The following FHIP1A variants were observed in gnomAD, a reference collection of about 807,000 sequenced individuals.
FHIP1A encodes the protein FHF complex subunit HOOK-interacting protein 1A.
In FHIP1A, 61 loss-of-function variants were observed where a neutral mutation model predicts 88.6. That is an observed-to-expected ratio of 0.69 (90% CI 0.56 to 0.85). The LOEUF is 0.85. Ranked by LOEUF, FHIP1A falls within the 40% of genes least tolerant of loss-of-function variation. The pLI, the probability that FHIP1A is intolerant of heterozygous loss-of-function variation, is 0.00. For missense variants in FHIP1A, 1,154 were observed against 1,273.5 expected (o/e 0.91, Z 1.43); for synonymous variants, 478 against 496.0 (o/e 0.96, Z 0.48).
At chr4:151,519,781 A>G (rs4696265) in intron 3 of FHIP1A, among the ~76,000 whole-genome samples, 53,312 of 152,010 alleles carry the variant, frequency 0.35, 9,956 homozygotes, top group Non-Finnish European at 0.43. Context: ...CTCATAATGT[A>G]TAAGAATTCT....
At chr4:151,640,597 A>G (rs1477077165) in intron 9 of FHIP1A, among the ~76,000 whole-genome samples, 1 of 152,220 alleles carries the variant, frequency 6.6e-6, no homozygotes, top group African/African-American at 2.4e-5. Context: ...CTTTTACTCC[A>G]AAGTGGGTAA....
chr4:151,633,764 T>C (rs1423256375), intron 8 of FHIP1A, among the ~76,000 whole-genome samples: 2 of 151,912 alleles, frequency 1.3e-5, no homozygotes, highest in Admixed American at 6.6e-5. Context: ...CCTTTCATGA[T>C]AAAAGCACTC....
At chr4:151,443,806 T>C (rs1019039304) in intron 1 of FHIP1A, among the ~76,000 whole-genome samples, 8 of 151,586 alleles carry the variant, frequency 5.3e-5, no homozygotes, top group Non-Finnish European at 1.2e-4. Context: ...GTATCAGAAT[T>C]CGCATCAGAA....
At chr4:151,432,898 A>G (rs2126543178) in intron 1 of FHIP1A, among the ~76,000 whole-genome samples, 1 of 152,280 alleles carries the variant, frequency 6.6e-6, no homozygotes, top group Non-Finnish European at 1.5e-5. Flanking sequence ...GGAAGTGCTT[A>G]CTTTTTGCTG....
chr4:151,544,578 T>C (rs2126732873), intron 3 of FHIP1A, among the ~76,000 whole-genome samples: 1 of 152,262 alleles, frequency 6.6e-6, no homozygotes, highest in Admixed American at 6.5e-5. Flanking sequence ...ATATGGCCTG[T>C]CCCTCACAGA....
At chr4:151,530,020 A>G (rs1201696381) in intron 3 of FHIP1A, among the ~76,000 whole-genome samples, 2 of 152,120 alleles carry the variant, frequency 1.3e-5, no homozygotes, top group African/African-American at 2.4e-5. Context: ...GTAGTGTCCT[A>G]TGTTTTCATC....
intron 6 of FHIP1A, among the ~76,000 whole-genome samples, chr4:151,587,082 G>A (rs1220796440): frequency 7.0e-6 from 1 of 141,924 alleles, no homozygotes; most frequent in African/African-American, 2.6e-5. Flanking sequence ...TTCAATGCCT[G>A]ACTCATTAAA....
In FHIP1A at chr4:151,566,382, CT is replaced by C. The variant is rs1176572136; in HGVS notation, c.105+25del. 14 of 1,476,376 alleles carry C rather than the reference CT, an allele frequency of 9.5e-6. No individual in the cohort carries two copies. The Admixed American group carries it at 2.0e-4, about 21-fold the overall frequency. The allele number at this position is 1,476,376 out of a possible 1,614,324, so 91.5% of individuals were successfully genotyped here. A position where few individuals can be genotyped will look rare whatever the true frequency, so the allele number is the denominator to read the frequency against. ...GGGCACAGGTAATGTATGAATTCCA[CT>C]TTTTTTGCTGGTCTCAGTAACCCCA... On this transcript the variant is annotated intron_variant, in intron 4 of 13. Coordinates refer to ENST00000435205, the MANE Select transcript of FHIP1A (RefSeq NM_001109977.3).
At chr4:151,489,116 AGAG>A (rs1440221596) in intron 3 of FHIP1A, among the ~76,000 whole-genome samples, 2 of 152,224 alleles carry the variant, frequency 1.3e-5, no homozygotes, top group South Asian at 2.1e-4. Flanking sequence ...CCAAGGTGTG[AGAG>A]GAGGAGAAGT....
chr4:151,551,888 C>T (rs111993305), intron 3 of FHIP1A, among the ~76,000 whole-genome samples: 44,089 of 151,990 alleles, frequency 0.29, 6,643 homozygotes, highest in Non-Finnish European at 0.34. Context: ...TCAGAGTGAA[C>T]AGGCAACCTA....
chr4:151,643,551 C>G (rs983945849), intron 9 of FHIP1A, among the ~76,000 whole-genome samples: 2 of 152,148 alleles, frequency 1.3e-5, no homozygotes, highest in African/African-American at 4.8e-5. Flanking sequence ...AATACTAGCA[C>G]TCTATCTAGC....
At chr4:151,580,985 A>G (rs753800906) in intron 5 of FHIP1A, among the ~76,000 whole-genome samples, 13 of 151,982 alleles carry the variant, frequency 8.6e-5, no homozygotes, top group Non-Finnish European at 1.9e-4. Flanking sequence ...AGTCTCCCAA[A>G]TAGCTGGGAC....
Position 151,577,578 on chromosome 4 carries a change from G to A in FHIP1A, c.234G>A (p.Glu78=), listed in dbSNP as rs1298187109. Residue 78 remains glutamate, a synonymous_variant, in exon 5 of 14, where the codon GAG becomes GAA. Coordinates refer to ENST00000435205, the MANE Select transcript of FHIP1A (RefSeq NM_001109977.3). ...VEHMLFLLIE[E]QAKDAAMGPI... ...ACATGCTCTTCTTGTTGATTGAAGA[G>A]CAAGCCAAAGATGCTGCAATGGGGC... The A allele has an allele frequency of 6.4e-7, 1 of 1,551,942 alleles. No individual in the cohort carries two copies. The highest frequency in any genetic ancestry group is 1.2e-5 in the South Asian group (1 of 84,062).
intron 3 of FHIP1A, among the ~76,000 whole-genome samples, chr4:151,535,235 A>G (rs3919716): frequency 0.62 from 94,813 of 152,036 alleles, 31,970 homozygotes; most frequent in African/African-American, 0.9. Context: ...AATAAAGGAA[A>G]TTCCTTGCAC....
intron 3 of FHIP1A, among the ~76,000 whole-genome samples, chr4:151,528,578 T>C (rs1205533618): frequency 6.6e-6 from 1 of 152,202 alleles, no homozygotes; most frequent in Non-Finnish European, 1.5e-5. Flanking sequence ...GAGCATTGGG[T>C]AAGGCTTCAT....
chr4:151,630,204 A>C (rs552289546), intron 8 of FHIP1A, among the ~76,000 whole-genome samples: 1 of 152,180 alleles, frequency 6.6e-6, no homozygotes, highest in Non-Finnish European at 1.5e-5. Flanking sequence ...ATGTGGGCTT[A>C]AGCACAGATA....
intron 3 of FHIP1A, among the ~76,000 whole-genome samples, chr4:151,557,162 A>G (rs1732981254): frequency 6.6e-6 from 1 of 152,228 alleles, no homozygotes; most frequent in East Asian, 1.9e-4. Flanking sequence ...AATAACATAT[A>G]AAATAATTTT....
chr4:151,651,484 G>A (rs1174382731), intron 11 of FHIP1A, among the ~76,000 whole-genome samples: 3 of 152,198 alleles, frequency 2.0e-5, no homozygotes, highest in African/African-American at 4.8e-5. Context: ...AATGGAGGGT[G>A]ACAGTGGCCT....
chr4:151,526,658 G>A (rs1436634772), intron 3 of FHIP1A, among the ~76,000 whole-genome samples: 2 of 151,148 alleles, frequency 1.3e-5, no homozygotes, highest in South Asian at 2.1e-4. Context: ...GGCCGGGCGG[G>A]GGGCTGACCC....
Sources: allele counts gnomAD v4.1 joint callset (sites outside exome capture counted in the v4.1 genomes callset), GRCh38; gene constraint gnomAD v4.1.1; transcripts MANE v1.5; gene names NCBI Gene and HGNC (gene_info 2026-07-23, HGNC 2026-07-21).